The following DLGAP4 variants were observed in gnomAD, a reference collection of about 807,000 sequenced individuals.
The protein encoded by DLGAP4 is disks large-associated protein 4.
Under a neutral mutation model 86.9 loss-of-function variants are expected in DLGAP4, and 18 were observed. The observed-to-expected ratio is 0.21, with a 90% confidence interval of 0.14 to 0.31. DLGAP4 has a LOEUF of 0.31. Among genes scored for constraint, DLGAP4 ranks in the 10% least tolerant of loss-of-function variants. The pLI, the probability that DLGAP4 is intolerant of heterozygous loss-of-function variation, is 1.00. For missense variants in DLGAP4, 1,085 were observed against 1,362.6 expected (o/e 0.80, Z 3.21); for synonymous variants, 548 against 574.3 (o/e 0.95, Z 0.65).
intron 10 of DLGAP4, among the ~76,000 whole-genome samples, chr20:36,506,912 T>C (rs890483180): frequency 2.0e-5 from 3 of 152,252 alleles, no homozygotes; most frequent in African/African-American, 7.2e-5. Context: ...AGTGGAACCA[T>C]GCAGCATTTG....
intron 2 of DLGAP4, among the ~76,000 whole-genome samples, chr20:36,411,100 C>T (rs2032485190): frequency 1.3e-5 from 2 of 152,328 alleles, no homozygotes; most frequent in South Asian, 4.1e-4. Context: ...AAGCAATTCT[C>T]CTGCCTCATC....
At chr20:36,311,982 C>T (rs1176623056) in intron 1 of DLGAP4, among the ~76,000 whole-genome samples, 10 of 152,270 alleles carry the variant, frequency 6.6e-5, no homozygotes, top group South Asian at 2.1e-4. Context: ...TGAACAGATG[C>T]GCTGGGGGCA....
rs555766337 is a variant in DLGAP4 at position 36,327,590 on chromosome 20, C to CTT, written c.-304+21096_-304+21097dup. ...CAGATAAGAATTATCTGGTTAAATT[C>CTT]TTTTTTTTTTTTTTTTTTTGAGACG... On this transcript the variant is annotated intron_variant, in intron 1 of 12. Coordinates refer to ENST00000339266, the MANE Select transcript of DLGAP4 (RefSeq NM_001365621.2). Among the ~76,000 whole-genome samples, 154 of 120,002 alleles carry CTT rather than the reference C, an allele frequency of 1.3e-3. 3 individuals carry two copies. The highest frequency in any genetic ancestry group is 3.9e-3 in the African/African-American group (118 of 30,426). The allele number at this position is 120,002 out of a possible 152,430, so 78.7% of individuals were successfully genotyped here.
intron 7 of DLGAP4, among the ~76,000 whole-genome samples, chr20:36,466,912 GTCTCTCGCTCTTGCTCTCTCTC>G (rs2034380257): frequency 6.7e-6 from 1 of 149,252 alleles, no homozygotes; most frequent in African/African-American, 2.5e-5. Context: ...GTCAAAGCGA[GTCTCTCGCTCTTGCTCTCTCTC>G]TCTCTCTCTC....
intron 2 of DLGAP4, among the ~76,000 whole-genome samples, chr20:36,424,655 C>G (rs2032924385): frequency 6.6e-6 from 1 of 152,152 alleles, no homozygotes; most frequent in East Asian, 1.9e-4. Flanking sequence ...CGTTCTCATT[C>G]CTCTGACCCC....
At chr20:36,362,269 A>T (rs573754286) in intron 1 of DLGAP4, among the ~76,000 whole-genome samples, 8 of 152,326 alleles carry the variant, frequency 5.3e-5, no homozygotes, top group African/African-American at 1.9e-4. Context: ...CAGAAAAAGA[A>T]AAAAGAAAAA....
chr20:36,501,368 C>T (rs1379603017), intron 10 of DLGAP4, among the ~76,000 whole-genome samples: 2 of 152,222 alleles, frequency 1.3e-5, no homozygotes, highest in African/African-American at 4.8e-5. Context: ...ACTCAGCCAA[C>T]AGCTTCTTAC....
intron 2 of DLGAP4, among the ~76,000 whole-genome samples, chr20:36,378,867 TG>T (rs1483222105): frequency 1.3e-5 from 2 of 151,890 alleles, no homozygotes; most frequent in Non-Finnish European, 2.9e-5. Context: ...TGGGAAGGCG[TG>T]GGAAGCAAGT....
chr20:36,471,510 A>AT (rs1272130160), intron 7 of DLGAP4, among the ~76,000 whole-genome samples: 1 of 152,094 alleles, frequency 6.6e-6, no homozygotes, highest in Non-Finnish European at 1.5e-5. Context: ...AAATAAATAA[A>AT]TAAATAAATA....
At position 36,324,250 on chromosome 20, in the gene DLGAP4, AACCTCACCTCT is replaced by A. The variant is rs1323420356; in HGVS notation, c.-304+17741_-304+17751del. ...GAAACCAGCCTGGCCAACATGGTAA[AACCTCACCTCT>A]ACTAAAAATACAAAAATTAGCTGGG... On this transcript the variant is annotated intron_variant, in intron 1 of 12. Coordinates refer to ENST00000339266, the MANE Select transcript of DLGAP4 (RefSeq NM_001365621.2). Among the ~76,000 whole-genome samples, 4 of 152,088 alleles carry A rather than the reference AACCTCACCTCT, an allele frequency of 2.6e-5. No homozygotes were observed. The South Asian group carries it at 8.3e-4, about 32-fold the overall frequency.
At chr20:36,312,794 T>C (rs2065064509) in intron 1 of DLGAP4, among the ~76,000 whole-genome samples, 1 of 152,102 alleles carries the variant, frequency 6.6e-6, no homozygotes, top group Non-Finnish European at 1.5e-5. Context: ...GTGTTTTTCT[T>C]CCTGCAGTGA....
chr20:36,503,736 C>T (rs1035204538), intron 10 of DLGAP4, among the ~76,000 whole-genome samples: 2 of 152,252 alleles, frequency 1.3e-5, no homozygotes, highest in African/African-American at 2.4e-5. Context: ...GATCCGCCCA[C>T]CTCAGCCTCC....
rs56876508 is a variant in DLGAP4 at position 36,402,751 on chromosome 20, AT to A, written c.-72-28886del. On this transcript the variant is annotated intron_variant, in intron 2 of 12. Transcript: ENST00000339266. ...GCAAGACCCTGTCTCATAAAAAAAA[AT>A]TTTTTTTTATTAAATACAGTAATTC... Among the ~76,000 whole-genome samples the A allele has an allele frequency of 3.2e-3, 482 of 149,906 alleles. 3 individuals carry two copies. The highest frequency in any genetic ancestry group is 0.011 in the African/African-American group (459 of 41,146).
In DLGAP4 at chr20:36,500,743, C is replaced by T. The variant is rs940469197; in HGVS notation, c.2512+132C>T. ...CTCTTCTTGGGCTAGTTTTTGAGCT[C>T]CCTTCTTACTTTCTTCGCATTCTTC... On this transcript the variant is annotated intron_variant, in intron 10 of 12. Coordinates refer to ENST00000339266, the MANE Select transcript of DLGAP4 (RefSeq NM_001365621.2). This position sits in a 1 kb window ranked among gnomAD's most constrained non-coding sequence, Gnocchi z 4.6. 3.7e-6 allele frequency: 3 copies of T among 813,688 alleles called. No individual in the cohort carries two copies. In the African/African-American group the frequency reaches 5.4e-5, roughly 15 times the overall value. The allele number at this position is 813,688 out of a possible 1,614,324, so 50.4% of individuals were successfully genotyped here. A position where few individuals can be genotyped will look rare whatever the true frequency, so the allele number is the denominator to read the frequency against.
intron 11 of DLGAP4, chr20:36,525,388 G>A (rs760687576): frequency 4.9e-5 from 10 of 203,182 alleles, no homozygotes; most frequent in South Asian, 1.0e-4. Flanking sequence ...TACTCCCAGC[G>A]GGAGGCAGTG....
intron 7 of DLGAP4, chr20:36,461,839 C>T (rs1036664447): frequency 6.1e-6 from 6 of 983,134 alleles, no homozygotes; most frequent in African/African-American, 1.8e-5. Context: ...TGTCTCTCCC[C>T]GGCTCGCTGT....
chr20:36,467,055 TCTCTCTCTC>T (rs1230267849), intron 7 of DLGAP4, among the ~76,000 whole-genome samples: 7 of 112,466 alleles, frequency 6.2e-5, no homozygotes, highest in African/African-American at 1.4e-4. Flanking sequence ...TCTCTCTCTC[TCTCTCTCTC>T]CCCCCCCCTT....
chr20:36,346,360 C>T (rs969464195), intron 1 of DLGAP4, among the ~76,000 whole-genome samples: 2 of 152,250 alleles, frequency 1.3e-5, no homozygotes, highest in Admixed American at 6.5e-5. Flanking sequence ...AGGAGCTCTG[C>T]CCTCTGGGAC....
chr20:36,363,189 G>A (rs556202046), intron 1 of DLGAP4, among the ~76,000 whole-genome samples: 65 of 152,286 alleles, frequency 4.3e-4, no homozygotes, highest in African/African-American at 1.3e-3. Flanking sequence ...CACGTGCCTG[G>A]TATATTTGAG....
Sources: gnomAD v4.1 joint callset for allele counts (sites outside exome capture counted in the v4.1 genomes callset) on GRCh38, gnomAD v4.1.1 for gene constraint, Gnocchi (gnomAD v3.1) non-coding constraint, MANE v1.5 for transcripts, NCBI Gene and HGNC (gene_info 2026-07-23, HGNC 2026-07-21) for gene names.